Variants in NEK3 observed in about 807,000 individuals in gnomAD.
NEK3 encodes the protein serine/threonine-protein kinase Nek3.
A neutral mutation model predicts 66.0 loss-of-function variants in NEK3; 54 were observed. That is an observed-to-expected ratio of 0.82 (90% CI 0.66 to 1.03). The LOEUF is 1.03. Among genes scored for constraint, NEK3 ranks in the 50% least tolerant of loss-of-function variants. NEK3 has a pLI of 0.00. For missense variants in NEK3, 593 were observed against 603.0 expected, an observed-to-expected ratio of 0.98 and a Z score of 0.17; for synonymous variants, 200 against 206.2, an observed-to-expected ratio of 0.97 and a Z score of 0.26.
chr13:52,148,123 A>G (rs903383974), intron 8 of NEK3: 7 of 270,966 alleles, frequency 2.6e-5, no homozygotes, highest in Non-Finnish European at 4.1e-5. Context: ...GGCAAATTTT[A>G]TATTTATTTT....
chr13:52,144,671 C>T lies in NEK3; in HGVS notation c.804+20G>A. ...CATACACTTGAAAACTGTTCACAAC[C>T]AATCCAACACAGATCATACCTCGGG... On this transcript the variant is annotated intron_variant, in intron 9 of 15. Transcript: ENST00000610828. The T allele has an allele frequency of 6.2e-7, 1 of 1,607,120 alleles. No homozygotes were observed. Among genetic ancestry groups the T allele is most frequent in the Non-Finnish European group, 8.5e-7 (1 of 1,174,206 alleles).
intron 11 of NEK3, among the ~76,000 whole-genome samples, chr13:52,139,857 C>T (rs1353186159): frequency 6.6e-6 from 1 of 151,734 alleles, no homozygotes; most frequent in East Asian, 2.0e-4. Flanking sequence ...CGTGATCACG[C>T]CACTGCACTC....
Position 52,141,091 on chromosome 13 carries a change from G to A in NEK3, c.878-22C>T, listed in dbSNP as rs149245561. 728 of 1,584,594 alleles carry A rather than the reference G, an allele frequency of 4.6e-4. 4 individuals are homozygous for A. In the African/African-American group the frequency reaches 8.5e-3, roughly 19 times the overall value. ...TTTGCTTTTAAAAGAGAGAGAGAAG[G>A]TAGAAAGATAAAACACATAAAGGAT... On this transcript the variant is annotated intron_variant, in intron 10 of 15. Coordinates refer to ENST00000610828, the MANE Select transcript of NEK3 (RefSeq NM_002498.3).
chr13:52,136,372 G>C, intron 12 of NEK3, 113 bp from the exon 13 acceptor site: 6 of 1,055,062 alleles, frequency 5.7e-6, no homozygotes, highest in Non-Finnish European at 6.7e-6. Context: ...TTCATATTCA[G>C]ATCTATGTTT....
Position 52,143,967 on chromosome 13 carries a change from CT to C in NEK3, c.824del (p.Glu275GlyfsTer4). The C allele has an allele frequency of 6.7e-7, 1 of 1,503,278 alleles. No homozygotes were observed. Among genetic ancestry groups the C allele is most frequent in the Non-Finnish European group, 9.0e-7 (1 of 1,109,448 alleles). The allele number at this position is 1,503,278 out of a possible 1,614,324, so 93.1% of individuals were successfully genotyped here. A position where few individuals can be genotyped will look rare whatever the true frequency, so the allele number is the denominator to read the frequency against. On this transcript the variant is annotated frameshift_variant, in exon 10 of 16. Coordinates refer to ENST00000610828, the MANE Select transcript of NEK3 (RefSeq NM_002498.3). LOFTEE classifies it high-confidence loss of function. The stretch of plus-strand genomic sequence containing the variant: ...AATTTTTTATTTCTTCTAATACTTC[CT>C]CACCATATTCCATGATGATCTGAAA... ...LPPEIIMEYGEEVLEEIKNSK... is the reference protein window; with the variant it reads ...LPPEIIMEYGXEVLEEIKNSK...
intron 9 of NEK3, 84 bp from the exon 10 acceptor site, chr13:52,144,071 T>C: frequency 1.3e-6 from 1 of 749,358 alleles, no homozygotes; most frequent in Non-Finnish European, 2.2e-6. Flanking sequence ...TCATCAGCAT[T>C]CTTTAGCACA....
At chr13:52,133,648 C>A (rs1956176065) in intron 15 of NEK3, 41 bp downstream of exon 15, 8 of 1,547,708 alleles carry the variant, frequency 5.2e-6, no homozygotes, top group Admixed American at 2.0e-5. Context: ...CACACACACC[C>A]CCAACCCCAG....
intron 4 of NEK3, among the ~76,000 whole-genome samples, chr13:52,153,311 T>C (rs1015013037): frequency 2.6e-5 from 4 of 152,192 alleles, no homozygotes; most frequent in Admixed American, 6.5e-5. Flanking sequence ...AGTTTCTAAA[T>C]GAATAATATT....
intron 5 of NEK3, among the ~76,000 whole-genome samples, chr13:52,152,393 A>C (rs1956355174): frequency 6.6e-6 from 1 of 152,218 alleles, no homozygotes; most frequent in Non-Finnish European, 1.5e-5. Flanking sequence ...GTGTGTATAT[A>C]TATATAACAC....
chr13:52,152,718 T>C, intron 4 of NEK3, 26 bp from the exon 5 acceptor site: 1 of 1,469,088 alleles, frequency 6.8e-7, no homozygotes, highest in Non-Finnish European at 9.5e-7. Context: ...ATGCAAAATC[T>C]TCAAGAATGC....
Position 52,153,945 on chromosome 13 carries a change from GATCCCCTCC to G in NEK3, c.250_258del (p.Gly84_Asp86del). 1 of 1,612,826 alleles carries G rather than the reference GATCCCCTCC, an allele frequency of 6.2e-7. No individual in the cohort carries two copies. The highest frequency in any genetic ancestry group is 2.2e-5 in the East Asian group (1 of 44,754). ...TTCTGCTGTTTAATCTTTTGCATTA[GATCCCCTCC>G]ATCACAGTATTCCATCACAATATAC... On this transcript the variant is annotated inframe_deletion, in exon 4 of 16. Coordinates refer to ENST00000610828, the MANE Select transcript of NEK3 (RefSeq NM_002498.3).
chr13:52,135,591 G>A, intron 14 of NEK3, 138 bp downstream of exon 14: 1 of 661,456 alleles, frequency 1.5e-6, no homozygotes, highest in African/African-American at 1.9e-5. Context: ...GGTGATGGCT[G>A]TACAACAATG....
At chr13:52,151,643 T>C (rs1383856292) in intron 5 of NEK3, among the ~76,000 whole-genome samples, 1 of 152,200 alleles carries the variant, frequency 6.6e-6, no homozygotes, top group African/African-American at 2.4e-5. Flanking sequence ...ATCGACCCAG[T>C]GAGAACCTGT....
intron 9 of NEK3, 107 bp from the exon 10 acceptor site, chr13:52,144,094 G>A: frequency 1.5e-6 from 1 of 679,104 alleles, no homozygotes; most frequent in Non-Finnish European, 2.4e-6. Flanking sequence ...AATATTTCAA[G>A]TTGAAAAACA....
rs537650601 is a variant in NEK3 at position 52,143,411 on chromosome 13, TC to T, written c.877+503del. On this transcript the variant is annotated intron_variant, in intron 10 of 15. Coordinates refer to ENST00000610828, the MANE Select transcript of NEK3 (RefSeq NM_002498.3). ...CACCTGTCCCCACACACATACCACC[TC>T]CCCAATACTAACATGCCACACCATT... 3.4e-4 allele frequency among the ~76,000 whole-genome samples: 52 copies of T among 151,366 alleles called. 1 individual carries two copies. Among genetic ancestry groups the T allele is most frequent in the African/African-American group, 1.2e-3 (49 of 41,180 alleles).
At chr13:52,141,467 G>A (rs1314760788) in intron 10 of NEK3, among the ~76,000 whole-genome samples, 1 of 152,304 alleles carries the variant, frequency 6.6e-6, no homozygotes, top group East Asian at 1.9e-4. Flanking sequence ...CTAAAAAGAA[G>A]TGAGCTGTTT....
Position 52,144,699 on chromosome 13 carries a change from G to T in NEK3, c.796C>A (p.Pro266Thr). 1 of 1,613,672 alleles carries T rather than the reference G, an allele frequency of 6.2e-7. No individual in the cohort carries two copies. The highest frequency in any genetic ancestry group is 8.5e-7 in the Non-Finnish European group (1 of 1,179,708). ...TCCAACACAGATCATACCTCGGGGG[G>T]TAAGCACTTCTGGACAAGCCGAGCT... is the stretch of plus-strand genomic sequence containing the variant. Reference protein sequence around the residue: ...IVARLVQKCLPPEIIMEYGEE... With the variant: ...IVARLVQKCLTPEIIMEYGEE... The change falls in exon 9 of 16, where the codon CCC (proline) becomes ACC (threonine). Residue 266 changes from proline (P) to threonine (T), a missense_variant. Transcript: ENST00000610828.
At chr13:52,159,502 C>T (rs1009747170) in intron 1 of NEK3, 41 bp downstream of exon 1, 1 of 152,446 alleles carries the variant, frequency 6.6e-6, no homozygotes, top group Non-Finnish European at 1.5e-5. Flanking sequence ...GCGCCGCCCT[C>T]CTCGTTCTAG....
intron 1 of NEK3, among the ~76,000 whole-genome samples, chr13:52,158,685 A>G (rs1238208485): frequency 1.3e-5 from 2 of 152,234 alleles, no homozygotes; most frequent in Non-Finnish European, 2.9e-5. Context: ...TGGCAAAAGT[A>G]TATCGGCCCC....
Sources: gnomAD v4.1 joint callset for allele counts (sites outside exome capture counted in the v4.1 genomes callset) on GRCh38, gnomAD v4.1.1 for gene constraint, MANE v1.5 for transcripts, NCBI Gene and HGNC (gene_info 2026-07-23, HGNC 2026-07-21) for gene names.